The following ARF1 variants were observed in gnomAD, a reference collection of about 807,000 sequenced individuals.
ARF1 encodes ARF GTPase 1, also known as ADP-ribosylation factor 1.
Under a neutral mutation model 18.0 loss-of-function variants are expected in ARF1, and 1 was observed. The ratio of observed to expected loss-of-function variants is 0.06; its 90% confidence interval spans 0.02 to 0.26. The LOEUF (loss-of-function observed/expected upper bound fraction) is 0.26, where lower values mean the gene tolerates loss of function less well. ARF1 is among the 10% of genes least tolerant of loss of function. The pLI is 1.00. For missense variants in ARF1, 73 were observed against 247.2 expected (o/e 0.30, Z 4.73); for synonymous variants, 112 against 96.3 (o/e 1.16, Z -0.95).
chr1:228,093,655 G>T (rs1244368427), intron 1 of ARF1, among the ~76,000 whole-genome samples: 1 of 151,696 alleles, frequency 6.6e-6, no homozygotes, highest in Non-Finnish European at 1.5e-5. Flanking sequence ...GGGCGTGGTG[G>T]CTCACTCCTG....
Position 228,097,550 on chromosome 1 carries a change from G to C in ARF1, c.260-41G>C. 1.2e-6 allele frequency: 2 copies of C among 1,613,962 alleles called. No homozygotes were observed. The highest frequency in any genetic ancestry group is 1.7e-6 in the Non-Finnish European group (2 of 1,179,940). On this transcript the variant is annotated intron_variant, in intron 3 of 4. Transcript: ENST00000272102. The surrounding 1 kb of genome is among the most constrained non-coding windows in gnomAD (Gnocchi z 8.1). Reference sequence around the variant, plus strand: ...TCGATGCCCATAGATGCGGCAGGGGGGCTGTGTTCCCATGACCATTTGACA... The same window carrying C: ...TCGATGCCCATAGATGCGGCAGGGGCGCTGTGTTCCCATGACCATTTGACA...
intron 1 of ARF1, among the ~76,000 whole-genome samples, chr1:228,093,461 C>T: frequency 6.6e-6 from 1 of 152,060 alleles, no homozygotes; most frequent in Non-Finnish European, 1.5e-5. Flanking sequence ...ACCCTCTGCC[C>T]ATATGTGCAG....
chr1:228,093,886 T>C (rs2032650023), intron 1 of ARF1, among the ~76,000 whole-genome samples: 1 of 144,562 alleles, frequency 6.9e-6, no homozygotes. Context: ...AGATCGCACC[T>C]GAGAGGTTGC....
chr1:228,086,037 C>G (rs1015364760), intron 1 of ARF1, among the ~76,000 whole-genome samples: 2 of 152,158 alleles, frequency 1.3e-5, no homozygotes, highest in African/African-American at 4.8e-5. Context: ...GCCCCACCCT[C>G]CAATTTTCCC....
rs752867627 is a variant in ARF1, at chr1:228,097,905, C to T, written c.438C>T (p.His146=). The T allele has an allele frequency of 8.1e-6, 13 of 1,614,076 alleles. No individual in the cohort carries two copies. In the East Asian group the frequency reaches 2.7e-4, roughly 33 times the overall value. ...AGATCACAGACAAGCTGGGGCTGCA[C>T]TCACTACGCCACAGGAACTGGTACA... The part of the protein sequence containing the change: ...AAEITDKLGL[H]SLRHRNWYIQ... Residue 146 remains histidine (H), a synonymous_variant, in exon 5 of 5, where the codon CAC becomes CAT. Coordinates refer to ENST00000272102, the MANE Select transcript of ARF1 (RefSeq NM_001658.4). This position sits in a 1 kb window ranked among gnomAD's most constrained non-coding sequence, Gnocchi z 8.1.
intron 1 of ARF1, among the ~76,000 whole-genome samples, chr1:228,095,887 C>A (rs1218818784): frequency 6.6e-6 from 1 of 152,224 alleles, no homozygotes; most frequent in Non-Finnish European, 1.5e-5. Flanking sequence ...GGGAACACTA[C>A]AGTGAAGGTC....
In ARF1 at chr1:228,090,269, G is replaced by T. The variant is rs768959615; in HGVS notation, c.-37-6809G>T. On this transcript the variant is annotated intron_variant, in intron 1 of 4. Coordinates refer to ENST00000272102, the MANE Select transcript of ARF1 (RefSeq NM_001658.4). ...ACAGCATAGGCGCCTGGCAGAATTGGACTGGGCCATGATCCAGGGCATTGG... is the reference window on the plus strand; with the variant it reads ...ACAGCATAGGCGCCTGGCAGAATTGTACTGGGCCATGATCCAGGGCATTGG... Among the ~76,000 whole-genome samples, 13 of 152,216 alleles carry T rather than the reference G, an allele frequency of 8.5e-5. 1 individual carries two copies. Among genetic ancestry groups the T allele is most frequent in the Non-Finnish European group, 1.5e-5 (1 of 68,048 alleles).
At chr1:228,086,405 A>G (rs2032402208) in intron 1 of ARF1, among the ~76,000 whole-genome samples, 1 of 151,782 alleles carries the variant, frequency 6.6e-6, no homozygotes, top group Non-Finnish European at 1.5e-5. Context: ...AGTCCCAGCT[A>G]CCCGGGAGGC....
rs1401370982 is a variant in ARF1 at position 228,086,049 on chromosome 1, G to C, written c.-38+3284G>C. Among the ~76,000 whole-genome samples, 4 of 152,282 alleles carry C rather than the reference G, an allele frequency of 2.6e-5. No individual in the cohort carries two copies. In the East Asian group the frequency reaches 7.7e-4, roughly 29 times the overall value. Reference sequence around the variant, plus strand: ...TCAGCCCCACCCTCCAATTTTCCCAGAGTGGAGAGGGACTGAAGATTGAGC... The same window carrying C: ...TCAGCCCCACCCTCCAATTTTCCCACAGTGGAGAGGGACTGAAGATTGAGC... On this transcript the variant is annotated intron_variant, in intron 1 of 4. Coordinates refer to ENST00000272102, the MANE Select transcript of ARF1 (RefSeq NM_001658.4).
chr1:228,084,152 C>G (rs532960010), intron 1 of ARF1, among the ~76,000 whole-genome samples: 7 of 152,324 alleles, frequency 4.6e-5, no homozygotes, highest in African/African-American at 1.7e-4. Flanking sequence ...TTGTCTAACA[C>G]GTGTGACCGC....
intron 1 of ARF1, among the ~76,000 whole-genome samples, chr1:228,087,540 G>A (rs1231760697): frequency 6.6e-6 from 1 of 152,204 alleles, no homozygotes; most frequent in East Asian, 1.9e-4. Flanking sequence ...GGGAGGCTGA[G>A]GCAGGAGAGT....
At chr1:228,086,735 A>G (rs907350124) in intron 1 of ARF1, among the ~76,000 whole-genome samples, 6 of 152,178 alleles carry the variant, frequency 3.9e-5, no homozygotes, top group Non-Finnish European at 7.3e-5. Flanking sequence ...ATCCTTTATG[A>G]AAAACCAGTA....
At chr1:228,083,593 C>T (rs375568540) in intron 1 of ARF1, 1 of 152,294 alleles carries the variant, frequency 6.6e-6, no homozygotes, top group Non-Finnish European at 1.5e-5. Context: ...TTGACGTTGT[C>T]GGCAGTAGAT....
intron 1 of ARF1, 120 bp from the exon 2 acceptor site, chr1:228,096,956 CCT>C (rs2032766457): frequency 2.2e-6 from 2 of 901,042 alleles, no homozygotes; most frequent in Middle Eastern, 3.7e-4. Flanking sequence ...GGGCTCTTTC[CCT>C]GTTTCCCTGC....
rs1289698846 is a variant in ARF1 at position 228,097,783 on chromosome 1, C to T, written c.384+68C>T. The T allele has an allele frequency of 1.3e-6, 2 of 1,588,256 alleles. No homozygotes were observed. Among genetic ancestry groups the T allele is most frequent in the Non-Finnish European group, 1.7e-6 (2 of 1,165,460 alleles). On this transcript the variant is annotated intron_variant, in intron 4 of 4. Transcript: ENST00000272102. This position sits in a 1 kb window ranked among gnomAD's most constrained non-coding sequence, Gnocchi z 8.1. The stretch of plus-strand genomic sequence containing the variant: ...GGGTTCCGCCTGGTGGTAGGGGTTA[C>T]TGGAGGCTGGTGGGGCCCCTTTCTC...
In ARF1 at chr1:228,098,146, T is replaced by C. The variant is rs892301595; in HGVS notation, c.*133T>C. On this transcript the variant is annotated 3_prime_UTR_variant, in exon 5 of 5. Transcript: ENST00000272102. ...CGTGTGCATCGCACCGTGCTGTAAA[T>C]GTGGCAGACGCAGCCTGCGGCCAGG... is the stretch of plus-strand genomic sequence containing the variant. 1.2e-5 allele frequency: 14 copies of C among 1,121,456 alleles called. No homozygotes were observed. Among genetic ancestry groups the C allele is most frequent in the Admixed American group, 1.2e-4 (4 of 32,324 alleles). 69.5% of individuals were successfully genotyped at this position (1,121,456 alleles called of 1,614,324 possible). A position where few individuals can be genotyped will look rare whatever the true frequency, so the allele number is the denominator to read the frequency against.
chr1:228,095,061 C>G (rs919404386), intron 1 of ARF1, among the ~76,000 whole-genome samples: 4 of 152,186 alleles, frequency 2.6e-5, no homozygotes, highest in African/African-American at 9.7e-5. Context: ...TCCTCATCTT[C>G]CTTTTTCATT....
At chr1:228,086,297 T>G (rs1164661067) in intron 1 of ARF1, among the ~76,000 whole-genome samples, 1 of 151,986 alleles carries the variant, frequency 6.6e-6, no homozygotes, top group Non-Finnish European at 1.5e-5. Flanking sequence ...GGGTGGATCA[T>G]GAGGTCAGGA....
intron 1 of ARF1, among the ~76,000 whole-genome samples, chr1:228,086,359 C>CA (rs1466977550): frequency 1.3e-5 from 2 of 151,648 alleles, no homozygotes; most frequent in African/African-American, 2.4e-5. Context: ...ACTAAAAATA[C>CA]AAAAAAATAG....
Sources: gnomAD v4.1 joint callset for allele counts (sites outside exome capture counted in the v4.1 genomes callset) on GRCh38, gnomAD v4.1.1 for gene constraint, Gnocchi (gnomAD v3.1) non-coding constraint, MANE v1.5 for transcripts, NCBI Gene and HGNC (gene_info 2026-07-23, HGNC 2026-07-21) for gene names.